Variants in HUWE1 observed in about 807,000 individuals in gnomAD.
HUWE1 encodes E3 ubiquitin-protein ligase HUWE1.
In HUWE1, 18 loss-of-function variants were observed where a neutral mutation model predicts 299.4. That is an observed-to-expected ratio of 0.06 (90% CI 0.04 to 0.09). The LOEUF (loss-of-function observed/expected upper bound fraction) is 0.09, where lower values mean the gene tolerates loss of function less well. Among genes scored for constraint, HUWE1 ranks in the 10% least tolerant of loss-of-function variants. The pLI, the probability that HUWE1 is intolerant of heterozygous loss-of-function variation, is 1.00. For missense variants in HUWE1, 1,832 were observed against 3,462.3 expected, an observed-to-expected ratio of 0.53 and a Z score of 11.82; for synonymous variants, 1,317 against 1,286.1, an observed-to-expected ratio of 1.02 and a Z score of -0.51.
intron 47 of HUWE1, 142 bp downstream of exon 47, chrX:53,573,608 T>G: frequency 1.9e-6 from 1 of 536,803 alleles, no homozygotes; most frequent in African/African-American, 2.2e-5. Context: ...GCACCCGGCC[T>G]TGCATGTCTG....
At chrX:53,574,678 T>A (rs1323586001) in intron 46 of HUWE1, among the ~76,000 whole-genome samples, 1 of 112,128 alleles carries the variant, frequency 8.9e-6, no homozygotes, top group Non-Finnish European at 1.9e-5. Context: ...TCTCCTAAAT[T>A]GGATCACAAA....
In HUWE1 at chrX:53,549,821, G is replaced by A. The variant is rs974107016; in HGVS notation, c.9489-316C>T. Among the ~76,000 whole-genome samples, 33 of 106,556 alleles carry A rather than the reference G, an allele frequency of 3.1e-4. 1 individual carries two copies. Among genetic ancestry groups the A allele is most frequent in the Middle Eastern group, 9.5e-3 (2 of 210 alleles). The allele number at this position is 106,556 out of a possible 115,157, so 92.5% of individuals were successfully genotyped here. A position where few individuals can be genotyped will look rare whatever the true frequency, so the allele number is the denominator to read the frequency against. On this transcript the variant is annotated intron_variant, in intron 66 of 83. Transcript: ENST00000262854. ...GGCTGGAGTGCAGTGGCGTGATACC[G>A]GCTCACTGCAACCTCCACCCCCTAG...
chrX:53,678,088 A>G (rs1316603409), intron 3 of HUWE1, among the ~76,000 whole-genome samples: 1 of 112,361 alleles, frequency 8.9e-6, no homozygotes, highest in African/African-American at 3.2e-5. Flanking sequence ...GTACATTCAT[A>G]ATAAATTAAA....
In HUWE1 at chrX:53,536,481, C is replaced by G; in HGVS notation, c.12324G>C (p.Lys4108Asn). The G allele has an allele frequency of 8.3e-7, 1 of 1,211,252 alleles. No homozygotes were observed. The highest frequency in any genetic ancestry group is 1.1e-6 in the Non-Finnish European group (1 of 895,243). Residue 4108 changes from lysine (K) to asparagine (N), a missense_variant, in exon 79 of 84, where the codon AAG becomes AAC. Physicochemically the swap from Lys to Asn is moderately conservative, Grantham distance 94. This residue lies in a region of HUWE1 where 129 missense variants were observed against 439.4 expected (regional missense o/e 0.29). Coordinates refer to ENST00000262854, the MANE Select transcript of HUWE1 (RefSeq NM_031407.7). ...HCNPNHLSYF[K>N]FVGRIVAKAV... ...CTTTGGCCACAATGCGTCCGACAAA[C>G]TTGAAGTAGCTGAGGTGGTTGGGGT...
intron 3 of HUWE1, among the ~76,000 whole-genome samples, chrX:53,673,085 G>A (rs1469184154): frequency 2.7e-5 from 3 of 112,084 alleles, no homozygotes; most frequent in Non-Finnish European, 5.6e-5. Flanking sequence ...ACTAAAATCA[G>A]AATGCTTCTT....
chrX:53,642,684 G>A (rs782685054), intron 7 of HUWE1, among the ~76,000 whole-genome samples: 1 of 112,194 alleles, frequency 8.9e-6, no homozygotes, highest in African/African-American at 3.2e-5. Context: ...TCTAATTTCT[G>A]CAAATCTGAT....
At chrX:53,614,830 A>G in intron 22 of HUWE1, 85 bp from the exon 23 acceptor site, 2 of 636,653 alleles carry the variant, frequency 3.1e-6, no homozygotes, top group Admixed American at 2.6e-5. Context: ...AGCGTTTTCT[A>G]TGTGTTGTGT....
chrX:53,630,954 C>A lies in HUWE1; in HGVS notation c.843G>T (p.Leu281=), dbSNP rs1490091475. The change falls in exon 12 of 84, where the codon CTG becomes CTT. Residue 281 remains leucine, a synonymous_variant. Transcript: ENST00000262854. ...RKRLQAVQAR[L]HAISILVYSN... is the part of the protein sequence containing the mutation. ...TCTTACCTAATATAGATATTGCATG[C>A]AGTCTGGCCTGAACTGCCTGCAATC... is the stretch of plus-strand genomic sequence containing the variant. 1.5e-5 allele frequency: 17 copies of A among 1,166,367 alleles called. No homozygotes were observed. Among genetic ancestry groups the A allele is most frequent in the African/African-American group, 1.8e-5 (1 of 56,325 alleles).
intron 42 of HUWE1, 53 bp from the exon 43 acceptor site, chrX:53,581,079 C>G: frequency 1.0e-6 from 1 of 996,096 alleles, no homozygotes. Context: ...TCTAAAAATA[C>G]AACTGCAGTC....
At chrX:53,554,338 T>C (rs2061903725) in intron 61 of HUWE1, among the ~76,000 whole-genome samples, 1 of 109,778 alleles carries the variant, frequency 9.1e-6, no homozygotes, top group African/African-American at 3.3e-5. Flanking sequence ...GGATTATGAG[T>C]CATCATACCC....
Position 53,568,959 on chromosome X carries a change from T to A in HUWE1, c.6525-85A>T. On this transcript the variant is annotated intron_variant, in intron 48 of 83. Transcript: ENST00000262854. ...TTCACAAAATAGCCTCAGATAACCC[T>A]CCTGTAACTTTTGTATTTCCTTCTG... The A allele has an allele frequency of 7.5e-6, 6 of 800,135 alleles. No individual in the cohort carries two copies. In the South Asian group the frequency reaches 1.4e-4, roughly 18 times the overall value. The allele number at this position is 800,135 out of a possible 1,213,427, so 65.9% of individuals were successfully genotyped here.
intron 60 of HUWE1, chrX:53,556,251 TA>T (rs1280441583): frequency 5.8e-6 from 2 of 344,454 alleles, no homozygotes; most frequent in African/African-American, 5.3e-5. Context: ...GGGAAAGTAG[TA>T]AGTTGTATAG....
intron 17 of HUWE1, chrX:53,625,691 C>A: frequency 6.6e-6 from 1 of 150,942 alleles, no homozygotes; most frequent in Non-Finnish European, 1.3e-5. Context: ...TGCTAACCTC[C>A]AAATGTACCA....
At chrX:53,546,865 A>G in intron 68 of HUWE1, 40 bp from the exon 69 acceptor site, 1 of 1,187,278 alleles carries the variant, frequency 8.4e-7, no homozygotes, top group East Asian at 3.0e-5. Context: ...CCTCTCTGAA[A>G]CTCACAAGCC....
At chrX:53,536,797 G>C in intron 78 of HUWE1, 130 bp from the exon 79 acceptor site, 1 of 586,274 alleles carries the variant, frequency 1.7e-6, no homozygotes, top group Non-Finnish European at 2.8e-6. Flanking sequence ...TAAACAGAGA[G>C]TGCCAGGACA....
At chrX:53,556,358 G>C in intron 60 of HUWE1, 1 of 341,898 alleles carries the variant, frequency 2.9e-6, no homozygotes. Context: ...AGGGCAGCAG[G>C]CAAAAGGCCA....
At chrX:53,580,012 GA>G (rs1556965582) in intron 43 of HUWE1, 1 of 107,491 alleles carries the variant, frequency 9.3e-6, no homozygotes, top group African/African-American at 3.4e-5. Flanking sequence ...AGAAAAGTTC[GA>G]ATAGTATAAT....
rs782593768 is a variant in HUWE1, at chrX:53,631,471, G to A, written c.705C>T (p.Ser235=). The change falls in exon 11 of 84, where the codon AGC becomes AGT. Residue 235 remains serine, a synonymous_variant. Coordinates refer to ENST00000262854, the MANE Select transcript of HUWE1 (RefSeq NM_031407.7). ...HIEQLDKISE[S]PSEIMESLTK... ...TAAGAGATTCCATGATTTCAGAAGG[G>A]CTTTCTGAAATCTACATTAAAAAAA... The A allele has an allele frequency of 8.4e-7, 1 of 1,192,787 alleles. No homozygotes were observed. The highest frequency in any genetic ancestry group is 2.2e-5 in the Admixed American group (1 of 45,851).
intron 7 of HUWE1, among the ~76,000 whole-genome samples, chrX:53,637,255 T>C (rs1305280673): frequency 1.8e-5 from 2 of 112,605 alleles, no homozygotes; most frequent in Admixed American, 9.4e-5. Context: ...CCACTCTTAA[T>C]TACCACACTA....
Sources: allele counts gnomAD v4.1 joint callset (sites outside exome capture counted in the v4.1 genomes callset), GRCh38; gene constraint gnomAD v4.1.1; regional missense constraint gnomAD v4.1.1; transcripts MANE v1.5; gene names NCBI Gene and HGNC (gene_info 2026-07-23, HGNC 2026-07-21).